CTNNA3: variants seen among roughly 807,000 people sequenced by gnomAD.
CTNNA3 encodes the protein catenin alpha 3.
A neutral mutation model predicts 95.7 loss-of-function variants in CTNNA3; 76 were observed. The ratio of observed to expected loss-of-function variants is 0.79; its 90% CI spans 0.66 to 0.96. CTNNA3 has a LOEUF of 0.96. Ranked by LOEUF, CTNNA3 falls within the 40% of genes least tolerant of loss-of-function variation. The pLI is 0.00. For synonymous variants in CTNNA3, 431 were observed against 374.4 expected, an observed-to-expected ratio of 1.15 and a Z score of -1.74; for missense variants, 1,191 against 1,089.8, an observed-to-expected ratio of 1.09 and a Z score of -1.31.
chr10:66,144,536 G>A (rs1247009091), intron 13 of CTNNA3, among the ~76,000 whole-genome samples: 1 of 151,628 alleles, frequency 6.6e-6, no homozygotes, highest in Non-Finnish European at 1.5e-5. Flanking sequence ...TGCCCAGGCT[G>A]GAGTGCAATG....
chr10:67,640,385 C>G (rs960389294), intron 2 of CTNNA3, among the ~76,000 whole-genome samples: 4 of 152,162 alleles, frequency 2.6e-5, no homozygotes, highest in African/African-American at 4.8e-5. Flanking sequence ...ACATTCCATG[C>G]TCATGGATAG....
chr10:67,755,096 G>A, intron 1 of CTNNA3, among the ~76,000 whole-genome samples: 1 of 151,874 alleles, frequency 6.6e-6, no homozygotes, highest in Non-Finnish European at 1.5e-5. Context: ...ATGAGGCTGA[G>A]GCGAGAGGAT....
intron 10 of CTNNA3, among the ~76,000 whole-genome samples, chr10:66,547,343 C>CTTTTTTTTTTTTTTTTTT (rs1246714246): frequency 0.01 from 867 of 83,158 alleles, 328 homozygotes; most frequent in East Asian, 0.064. Flanking sequence ...ATTTTTCTTT[C>CTTTTTTTTTTTTTTTTTT]TTTCTTTTTT....
intron 11 of CTNNA3, among the ~76,000 whole-genome samples, chr10:66,404,493 T>A (rs1235285959): frequency 6.6e-6 from 1 of 152,174 alleles, no homozygotes; most frequent in Non-Finnish European, 1.5e-5. Flanking sequence ...CTTGGCTAAT[T>A]TCAAGGTAAA....
intron 15 of CTNNA3, among the ~76,000 whole-genome samples, chr10:66,038,090 T>C (rs1483816324): frequency 6.6e-6 from 1 of 152,192 alleles, no homozygotes; most frequent in Non-Finnish European, 1.5e-5. Flanking sequence ...AAGACAAATG[T>C]GCAACAAATA....
At chr10:66,189,992 A>T (rs1306579122) in intron 13 of CTNNA3, among the ~76,000 whole-genome samples, 1 of 152,094 alleles carries the variant, frequency 6.6e-6, no homozygotes, top group African/African-American at 2.4e-5. Context: ...AGAAAGAGAA[A>T]AAGGAAAATA....
intron 7 of CTNNA3, among the ~76,000 whole-genome samples, chr10:66,889,346 C>G (rs1045946109): frequency 3.9e-5 from 6 of 152,060 alleles, no homozygotes; most frequent in African/African-American, 1.4e-4. Context: ...TGTACAACAC[C>G]AGGAGTTACT....
chr10:66,486,978 T>C (rs896566911), intron 11 of CTNNA3, among the ~76,000 whole-genome samples: 1 of 152,056 alleles, frequency 6.6e-6, no homozygotes. Context: ...ATCTCACTTA[T>C]ACATGGAATC....
intron 3 of CTNNA3, among the ~76,000 whole-genome samples, chr10:67,595,006 T>C (rs1400052469): frequency 6.6e-6 from 1 of 152,192 alleles, no homozygotes; most frequent in African/African-American, 2.4e-5. Flanking sequence ...CCTGAGTTAC[T>C]TCCCTTAGAA....
chr10:66,159,982 C>A (rs1046048901), intron 13 of CTNNA3, among the ~76,000 whole-genome samples: 16 of 151,876 alleles, frequency 1.1e-4, no homozygotes, highest in Non-Finnish European at 1.6e-4. Context: ...TTCATAGCAG[C>A]CTTGAATGAT....
At chr10:66,721,202 G>T (rs1848618391) in intron 9 of CTNNA3, among the ~76,000 whole-genome samples, 1 of 152,096 alleles carries the variant, frequency 6.6e-6, no homozygotes, top group Non-Finnish European at 1.5e-5. Context: ...GGTGTGGAAG[G>T]CATTTTCTGG....
intron 5 of CTNNA3, among the ~76,000 whole-genome samples, chr10:67,485,395 T>C (rs1371970606): frequency 6.6e-6 from 1 of 152,170 alleles, no homozygotes; most frequent in African/African-American, 2.4e-5. Flanking sequence ...TTGTGTACTA[T>C]GCCCACTACC....
intron 11 of CTNNA3, among the ~76,000 whole-genome samples, chr10:66,383,321 C>T (rs563878073): frequency 2.0e-5 from 3 of 152,058 alleles, no homozygotes; most frequent in South Asian, 4.1e-4. Flanking sequence ...ATAGCAGATT[C>T]GATCAAGTGG....
intron 13 of CTNNA3, among the ~76,000 whole-genome samples, chr10:66,213,794 T>C (rs1007626839): frequency 2.0e-5 from 3 of 152,120 alleles, no homozygotes; most frequent in African/African-American, 7.2e-5. Context: ...GCGTTTAATG[T>C]GTAAGAAAGG....
intron 13 of CTNNA3, among the ~76,000 whole-genome samples, chr10:66,190,342 A>G (rs1462814): frequency 0.65 from 99,116 of 151,870 alleles, 32,553 homozygotes; most frequent in African/African-American, 0.72. Flanking sequence ...GGGGAACAGT[A>G]TTGAATCTTA....
chr10:66,021,125 A>G (rs760900287), intron 15 of CTNNA3, among the ~76,000 whole-genome samples: 2 of 152,054 alleles, frequency 1.3e-5, no homozygotes, highest in Non-Finnish European at 2.9e-5. Context: ...TGTGATCTCT[A>G]TTTGTCACGG....
intron 7 of CTNNA3, among the ~76,000 whole-genome samples, chr10:66,945,010 A>G (rs1312389828): frequency 6.6e-6 from 1 of 152,180 alleles, no homozygotes; most frequent in African/African-American, 2.4e-5. Context: ...GAGTTGATTT[A>G]GCATCATTCT....
At chr10:66,897,285 T>C (rs1196843193) in intron 7 of CTNNA3, among the ~76,000 whole-genome samples, 2 of 152,082 alleles carry the variant, frequency 1.3e-5, no homozygotes, top group Non-Finnish European at 2.9e-5. Context: ...CATATATATA[T>C]TTTAAACCAA....
chr10:67,403,949 G>A (rs951217583), intron 5 of CTNNA3, among the ~76,000 whole-genome samples: 6 of 152,242 alleles, frequency 3.9e-5, no homozygotes, highest in South Asian at 2.1e-4. Context: ...TGAAGCAGCC[G>A]CCCAGCAAAT....
Sources: allele counts gnomAD v4.1 joint callset (sites outside exome capture counted in the v4.1 genomes callset), GRCh38; gene constraint gnomAD v4.1.1; transcripts MANE v1.5; gene names NCBI Gene and HGNC (gene_info 2026-07-23, HGNC 2026-07-21).